TRIM2: variants seen among roughly 807,000 people sequenced by gnomAD.
The protein encoded by TRIM2 is tripartite motif containing 2.
In TRIM2, 20 loss-of-function variants were observed where a neutral mutation model predicts 75.2. The ratio of observed to expected loss-of-function variants is 0.27; its 90% CI spans 0.19 to 0.39. The LOEUF (loss-of-function observed/expected upper bound fraction) is 0.39. Ranked by LOEUF, TRIM2 falls within the 10% of genes least tolerant of loss-of-function variation. The probability of loss-of-function intolerance (pLI) is 1.00; values close to 1 mark genes in which losing one functional copy is unlikely to be tolerated. For missense variants in TRIM2, 660 were observed against 990.8 expected (o/e 0.67, Z 4.48); for synonymous variants, 373 against 388.3 (o/e 0.96, Z 0.46).
chr4:153,182,539 T>C (rs927186531), intron 1 of TRIM2, among the ~76,000 whole-genome samples: 1 of 152,192 alleles, frequency 6.6e-6, no homozygotes, highest in Non-Finnish European at 1.5e-5. Context: ...TAGGGCTAAG[T>C]GAGCTGATTC....
chr4:153,208,952 C>A (rs571584872), intron 1 of TRIM2, among the ~76,000 whole-genome samples: 1 of 152,172 alleles, frequency 6.6e-6, no homozygotes, highest in Non-Finnish European at 1.5e-5. Context: ...TCCACACACA[C>A]AAAGAAATGT....
At chr4:153,231,121 A>G (rs1365061220) in intron 1 of TRIM2, among the ~76,000 whole-genome samples, 1 of 152,210 alleles carries the variant, frequency 6.6e-6, no homozygotes, top group Non-Finnish European at 1.5e-5. Context: ...TGATAAATGG[A>G]TACAAGAATT....
chr4:153,288,131 G>C (rs893840862), intron 3 of TRIM2, among the ~76,000 whole-genome samples: 6 of 151,882 alleles, frequency 4.0e-5, no homozygotes, highest in Non-Finnish European at 8.8e-5. Context: ...TTTCTGATGA[G>C]ATATCTGCTA....
chr4:153,170,402 C>A (rs1730727590), intron 1 of TRIM2, among the ~76,000 whole-genome samples: 1 of 152,132 alleles, frequency 6.6e-6, no homozygotes, highest in Non-Finnish European at 1.5e-5. Flanking sequence ...CGGACCCCAG[C>A]CTGGTGAGCT....
rs754945150 is a variant in TRIM2, at chr4:153,324,161, CAT to C, written c.2022+14_2022+15del. 2.5e-6 allele frequency: 4 copies of C among 1,604,690 alleles called. No individual in the cohort carries two copies. Among genetic ancestry groups the C allele is most frequent in the Non-Finnish European group, 3.4e-6 (4 of 1,176,064 alleles). On this transcript the variant is annotated intron_variant, in intron 10 of 11. Transcript: ENST00000338700. ...TCATTCTGTCAAGGTACTACAAGCA[CAT>C]GAGTTGTTGTTAACTTTTAACTGCT...
At chr4:153,306,142 A>G (rs1764951505) in intron 6 of TRIM2, among the ~76,000 whole-genome samples, 1 of 152,126 alleles carries the variant, frequency 6.6e-6, no homozygotes, top group Non-Finnish European at 1.5e-5. Context: ...AAAAAAAAAA[A>G]AAGTTTAATT....
At chr4:153,231,070 C>T (rs1267578426) in intron 1 of TRIM2, among the ~76,000 whole-genome samples, 2 of 152,190 alleles carry the variant, frequency 1.3e-5, no homozygotes, top group Non-Finnish European at 2.9e-5. Context: ...ATGTCTTTCT[C>T]ACTAAAATAC....
chr4:153,270,418 T>C lies in TRIM2; in HGVS notation c.114T>C (p.Pro38=). 3 of 1,614,070 alleles carry C rather than the reference T, an allele frequency of 1.9e-6. No homozygotes were observed. The South Asian group carries it at 3.3e-5, about 18-fold the overall frequency. The part of the protein sequence containing the change: ...MASEGTNIPS[P]VVRQIDKQFL... ...GTGAAGGCACCAACATCCCAAGTCCTGTGGTGCGCCAGATTGACAAGCAGT... is the reference window on the plus strand; with the variant it reads ...GTGAAGGCACCAACATCCCAAGTCCCGTGGTGCGCCAGATTGACAAGCAGT... The change falls in exon 2 of 12, where the codon CCT becomes CCC. Residue 38 remains proline (P), a synonymous_variant. Coordinates refer to ENST00000338700, the MANE Select transcript of TRIM2 (RefSeq NM_015271.5).
At chr4:153,267,836 C>G (rs184645241) in intron 1 of TRIM2, among the ~76,000 whole-genome samples, 2 of 152,184 alleles carry the variant, frequency 1.3e-5, no homozygotes, top group Admixed American at 6.5e-5. Context: ...GTTCACCTCG[C>G]CTGCTGCCTA....
chr4:153,166,458 G>A (rs185136347), intron 1 of TRIM2, among the ~76,000 whole-genome samples: 36 of 152,144 alleles, frequency 2.4e-4, no homozygotes, highest in Non-Finnish European at 4.7e-4. Context: ...CCAAAAGGCA[G>A]TGCTGGAAGG....
At chr4:153,186,400 A>G (rs1489247612) in intron 1 of TRIM2, among the ~76,000 whole-genome samples, 1 of 152,252 alleles carries the variant, frequency 6.6e-6, no homozygotes, top group Admixed American at 6.5e-5. Flanking sequence ...TAAAAAAATC[A>G]GAAGAAATAT....
At chr4:153,302,325 T>G (rs1764088528) in intron 6 of TRIM2, among the ~76,000 whole-genome samples, 1 of 152,188 alleles carries the variant, frequency 6.6e-6, no homozygotes, top group Non-Finnish European at 1.5e-5. Flanking sequence ...TCAAAAAACA[T>G]TTCTAGGGCA....
Position 153,221,767 on chromosome 4 carries a change from GAAGGAAGGAAAGAAGAA to G in TRIM2, c.30+17221_30+17237del, listed in dbSNP as rs1213960596. The stretch of plus-strand genomic sequence containing the variant: ...GGAAGGGAGGGAGGGAGGAAATAAG[GAAGGAAGGAAAGAAGAA>G]AAGGAAGGAAAGAGCGAGGAAGGAA... On this transcript the variant is annotated intron_variant, in intron 1 of 11. Transcript: ENST00000338700. 8.8e-4 allele frequency among the ~76,000 whole-genome samples: 114 copies of G among 129,672 alleles called. 1 individual carries two copies. Among genetic ancestry groups the G allele is most frequent in the African/African-American group, 3.3e-3 (109 of 33,192 alleles). 85.1% of individuals were successfully genotyped at this position (129,672 alleles called of 152,430 possible). A position where few individuals can be genotyped will look rare whatever the true frequency, so the allele number is the denominator to read the frequency against.
intron 1 of TRIM2, among the ~76,000 whole-genome samples, chr4:153,190,946 A>T (rs1165219423): frequency 2.0e-5 from 3 of 152,122 alleles, no homozygotes; most frequent in Non-Finnish European, 4.4e-5. Context: ...CATGTTGGCC[A>T]GGCTGGTCTC....
rs1713182392 is a variant in TRIM2 at position 153,204,482 on chromosome 4, C to A, written c.-49C>A. ...TATAATGGGCCCAGTTGTCTGCGGG[C>A]TGCGGGGAGCTAAGTCCCCAGATTG... On this transcript the variant is annotated 5_prime_UTR_variant, in exon 1 of 12. In the 5' UTR this introduces an upstream ATG that the reference lacks. Coordinates refer to ENST00000338700, the MANE Select transcript of TRIM2 (RefSeq NM_015271.5). 2 of 1,549,834 alleles carry A rather than the reference C, an allele frequency of 1.3e-6. No homozygotes were observed. The highest frequency in any genetic ancestry group is 3.9e-5 in the Admixed American group (2 of 50,980).
intron 1 of TRIM2, chr4:153,223,075 C>A (rs7680503): frequency 0.46 from 66,321 of 145,172 alleles, 16,347 homozygotes; most frequent in East Asian, 0.77. Context: ...TGGGAACCCT[C>A]CCGCCCGGGC....
chr4:153,281,605 T>A (rs1759354496), intron 3 of TRIM2, among the ~76,000 whole-genome samples: 2 of 152,228 alleles, frequency 1.3e-5, no homozygotes, highest in African/African-American at 4.8e-5. Context: ...ATCTGAAGGT[T>A]AATAAAATCA....
chr4:153,294,218 T>G, intron 4 of TRIM2, 87 bp from the exon 5 acceptor site: 1 of 1,401,110 alleles, frequency 7.1e-7, no homozygotes. Context: ...GGCATAGAAT[T>G]TTTTTAAACA....
chr4:153,244,361 T>TTCTTCC (rs1748128504), intron 1 of TRIM2, among the ~76,000 whole-genome samples: 22 of 26,960 alleles, frequency 8.2e-4, no homozygotes, highest in East Asian at 2.2e-3. Flanking sequence ...CTTCCTCTTC[T>TTCTTCC]TCTTCTTCTT....
Sources: gnomAD v4.1 joint callset for allele counts (sites outside exome capture counted in the v4.1 genomes callset) on GRCh38, gnomAD v4.1.1 for gene constraint, MANE v1.5 for transcripts, NCBI Gene and HGNC (gene_info 2026-07-23, HGNC 2026-07-21) for gene names.